Variants in DR1 observed in about 807,000 individuals in gnomAD.
The protein encoded by DR1 is down-regulator of transcription 1, also known as protein Dr1.
Under a neutral mutation model 19.9 loss-of-function variants are expected in DR1, and 7 were observed. The observed-to-expected ratio is 0.35, with a 90% confidence interval of 0.20 to 0.66. The LOEUF is 0.66. DR1 is among the 30% of genes least tolerant of loss of function. The probability of loss-of-function intolerance (pLI) is 0.66; values close to 1 mark genes in which losing one functional copy is unlikely to be tolerated. For missense variants in DR1, 98 were observed against 203.7 expected (o/e 0.48, Z 3.16); for synonymous variants, 76 against 72.5 (o/e 1.05, Z -0.24).
rs1168023302 is a variant in DR1 at position 93,350,653 on chromosome 1, G to GT, written c.221-3248dup. On this transcript the variant is annotated intron_variant, in intron 1 of 2. Coordinates refer to ENST00000370272, the MANE Select transcript of DR1 (RefSeq NM_001938.3). The stretch of plus-strand genomic sequence containing the variant: ...TCAAAGAAATTTTTACTTCTTTTTT[G>GT]TTTTTTTAATAGCTGTCTTGTTAAC... 5.9e-5 allele frequency among the ~76,000 whole-genome samples: 9 copies of GT among 151,832 alleles called. No homozygotes were observed. In the South Asian group the frequency reaches 1.0e-3, roughly 18 times the overall value.
In DR1 at chr1:93,346,828, G is replaced by T. The variant is rs1199195122; in HGVS notation, c.183G>T (p.Ser61=). The change falls in exon 1 of 3, where the codon TCG becomes TCT. Residue 61 remains serine, a synonymous_variant. Coordinates refer to ENST00000370272, the MANE Select transcript of DR1 (RefSeq NM_001938.3). The part of the protein sequence containing the change: ...SSEANEICNK[S]EKKTISPEHV... ...AAGCCAATGAGATTTGTAACAAATC[G>T]GAAAAGAAGACCATCTCACCAGAGC... 1.2e-6 allele frequency: 2 copies of T among 1,613,284 alleles called. No homozygotes were observed. Among genetic ancestry groups the T allele is most frequent in the Admixed American group, 3.3e-5 (2 of 59,888 alleles).
At chr1:93,355,218 T>G (rs1288522433) in intron 2 of DR1, 4 of 152,184 alleles carry the variant, frequency 2.6e-5, no homozygotes, top group Admixed American at 2.0e-4. Flanking sequence ...AATATAAATT[T>G]TATTGTATTC....
chr1:93,354,171 T>C (rs1352903536), intron 2 of DR1, 100 bp downstream of exon 2: 27 of 1,185,324 alleles, frequency 2.3e-5, no homozygotes, highest in African/African-American at 3.1e-5. Flanking sequence ...ATTCCCTTTT[T>C]CTAGGTAGTT....
rs1667181071 is a variant in DR1, at chr1:93,367,488, C to G, written c.*6849C>G. 6.6e-6 allele frequency: 1 copy of G among 152,146 alleles called. No homozygotes were observed. The highest frequency in any genetic ancestry group is 2.1e-4 in the South Asian group (1 of 4,818). 9.4% of individuals were successfully genotyped at this position (152,146 alleles called of 1,614,324 possible). On this transcript the variant is annotated 3_prime_UTR_variant, in exon 3 of 3. Transcript: ENST00000370272. The stretch of plus-strand genomic sequence containing the variant: ...GAGCCTATCCCAGCAGCTCAGGGAG[C>G]AAAGTGGGAGCCAACCCTGGACAGG...
rs901953764 is a variant in DR1 at position 93,366,215 on chromosome 1, A to T, written c.*5576A>T. ...TGTCTTCAAAGTTCATTCATGTTGT[A>T]GCATGTATTAGAATTTCTTTCCTCT... On this transcript the variant is annotated 3_prime_UTR_variant, in exon 3 of 3. Coordinates refer to ENST00000370272, the MANE Select transcript of DR1 (RefSeq NM_001938.3). 3 of 152,248 alleles carry T rather than the reference A, an allele frequency of 2.0e-5. No individual in the cohort carries two copies. The highest frequency in any genetic ancestry group is 7.2e-5 in the African/African-American group (3 of 41,468). The allele number at this position is 152,248 out of a possible 1,614,324, so 9.4% of individuals were successfully genotyped here. A position where few individuals can be genotyped will look rare whatever the true frequency, so the allele number is the denominator to read the frequency against.
intron 1 of DR1, among the ~76,000 whole-genome samples, chr1:93,352,781 G>A (rs915036793): frequency 6.6e-6 from 1 of 152,172 alleles, no homozygotes; most frequent in Admixed American, 6.5e-5. Context: ...TGCCTTTGGG[G>A]CATTAGTCAA....
intron 2 of DR1, 44 bp from the exon 3 acceptor site, chr1:93,360,449 G>T: frequency 6.6e-7 from 1 of 1,504,564 alleles, no homozygotes; most frequent in Non-Finnish European, 8.8e-7. Context: ...TATATTGTGG[G>T]TTTGTAAAAA....
At chr1:93,351,868 A>G (rs929757530) in intron 1 of DR1, among the ~76,000 whole-genome samples, 1 of 152,144 alleles carries the variant, frequency 6.6e-6, no homozygotes, top group African/African-American at 2.4e-5. Context: ...TTTAAATATG[A>G]TATTGTATAG....
chr1:93,346,593 G>T lies in DR1; in HGVS notation c.-53G>T. On this transcript the variant is annotated 5_prime_UTR_variant, in exon 1 of 3. Transcript: ENST00000370272. ...TTTGAGAAATCTCGGTGGAGTAGTG[G>T]ACCAGAGCTGGGGAGTTTTTAAAAG... 1 of 1,480,884 alleles carries T rather than the reference G, an allele frequency of 6.8e-7. No homozygotes were observed. The highest frequency in any genetic ancestry group is 1.1e-5 in the South Asian group (1 of 87,380). The allele number at this position is 1,480,884 out of a possible 1,614,324, so 91.7% of individuals were successfully genotyped here. A position where few individuals can be genotyped will look rare whatever the true frequency, so the allele number is the denominator to read the frequency against.
chr1:93,349,492 C>T (rs770373191), intron 1 of DR1, among the ~76,000 whole-genome samples: 1 of 151,984 alleles, frequency 6.6e-6, no homozygotes, highest in Non-Finnish European at 1.5e-5. Context: ...ATTCTTTAAC[C>T]TTAGGGAAAT....
chr1:93,347,721 G>A (rs1666869882), intron 1 of DR1, among the ~76,000 whole-genome samples: 1 of 152,080 alleles, frequency 6.6e-6, no homozygotes, highest in African/African-American at 2.4e-5. Context: ...ATTTGGTCCC[G>A]TAATAGGGAT....
Position 93,368,599 on chromosome 1 carries a change from C to G in DR1, c.*7960C>G, listed in dbSNP as rs1010716851. 6.6e-6 allele frequency: 1 copy of G among 152,056 alleles called. No individual in the cohort carries two copies. Among genetic ancestry groups the G allele is most frequent in the African/African-American group, 2.4e-5 (1 of 41,392 alleles). 9.4% of individuals were successfully genotyped at this position (152,056 alleles called of 1,614,324 possible). On this transcript the variant is annotated 3_prime_UTR_variant, in exon 3 of 3. Coordinates refer to ENST00000370272, the MANE Select transcript of DR1 (RefSeq NM_001938.3). ...TAATACGTTTGTTTCTTTTGTTGTG[C>G]CTATAAAAGATGCCATTAACTTCAT...
rs1264943443 is a variant in DR1 at position 93,361,718 on chromosome 1, A to T, written c.*1079A>T. On this transcript the variant is annotated 3_prime_UTR_variant, in exon 3 of 3. Transcript: ENST00000370272. ...ATAATTGAGTGATAGCTTTAAAAAA[A>T]AGATTAGTTTTGCTTAAGAAGTTAT... 1 of 152,624 alleles carries T rather than the reference A, an allele frequency of 6.6e-6. No individual in the cohort carries two copies. Among genetic ancestry groups the T allele is most frequent in the East Asian group, 1.9e-4 (1 of 5,196 alleles). The allele number at this position is 152,624 out of a possible 1,614,324, so 9.5% of individuals were successfully genotyped here.
intron 2 of DR1, among the ~76,000 whole-genome samples, chr1:93,359,334 G>A (rs935501670): frequency 2.6e-5 from 4 of 152,040 alleles, no homozygotes; most frequent in Non-Finnish European, 4.4e-5. Flanking sequence ...CTTTATGTTA[G>A]GAATGCAACA....
At chr1:93,351,343 G>A (rs1404059109) in intron 1 of DR1, among the ~76,000 whole-genome samples, 2 of 151,136 alleles carry the variant, frequency 1.3e-5, no homozygotes, top group East Asian at 3.9e-4. Context: ...AGTGTTCTCA[G>A]CCTTAAATGT....
At chr1:93,354,843 A>G (rs1003384967) in intron 2 of DR1, 1 of 152,174 alleles carries the variant, frequency 6.6e-6, no homozygotes, top group Admixed American at 6.5e-5. Flanking sequence ...AGTCTTAAGT[A>G]TTGTTGGTCA....
intron 2 of DR1, chr1:93,355,325 C>T (rs528355399): frequency 6.6e-6 from 1 of 152,222 alleles, no homozygotes; most frequent in African/African-American, 2.4e-5. Context: ...TTACTATTTA[C>T]CAAGCATCAT....
chr1:93,348,848 A>C (rs1328939616), intron 1 of DR1, among the ~76,000 whole-genome samples: 2 of 152,076 alleles, frequency 1.3e-5, no homozygotes, highest in Non-Finnish European at 2.9e-5. Flanking sequence ...TAGACTTTAT[A>C]CATTTATAAT....
intron 2 of DR1, among the ~76,000 whole-genome samples, chr1:93,358,494 C>T (rs1308949880): frequency 2.6e-5 from 4 of 152,148 alleles, no homozygotes; most frequent in Non-Finnish European, 5.9e-5. Context: ...TAATACACCA[C>T]CAGCCTGAAC....
Sources: allele counts gnomAD v4.1 joint callset (sites outside exome capture counted in the v4.1 genomes callset), GRCh38; gene constraint gnomAD v4.1.1; transcripts MANE v1.5; gene names NCBI Gene and HGNC (gene_info 2026-07-23, HGNC 2026-07-21).